TMEM273: variants seen among roughly 807,000 people sequenced by gnomAD.
TMEM273 encodes the protein transmembrane protein 273, also known as chromosome 10 open reading frame 128.
TMEM273 carries 19 observed loss-of-function variants against 17.9 expected under a neutral mutation model. That is an observed-to-expected ratio of 1.06 (90% confidence interval 0.74 to 1.55). The LOEUF (loss-of-function observed/expected upper bound fraction) is 1.55. Among genes scored for constraint, TMEM273 ranks in the 40% most tolerant of loss-of-function variants. The pLI, the probability that TMEM273 is intolerant of heterozygous loss-of-function variation, is 0.00. For missense variants in TMEM273, 194 were observed against 155.6 expected (o/e 1.25, Z -1.31); for synonymous variants, 66 against 62.0 (o/e 1.07, Z -0.31).
chr10:49,161,718 A>T (rs915648403), intron 5 of TMEM273, 96 bp from the exon 6 acceptor site: 1 of 1,518,036 alleles, frequency 6.6e-7, no homozygotes, highest in African/African-American at 1.4e-5. Flanking sequence ...GCTTGTCATT[A>T]GCTTGCTCTT....
At chr10:49,182,515 T>C (rs962611107) in intron 1 of TMEM273, among the ~76,000 whole-genome samples, 2 of 152,232 alleles carry the variant, frequency 1.3e-5, no homozygotes, top group Non-Finnish European at 2.9e-5. Flanking sequence ...CTTATTATCA[T>C]GATTATAATA....
At chr10:49,187,034 T>C (rs1847767977) in intron 1 of TMEM273, among the ~76,000 whole-genome samples, 1 of 152,246 alleles carries the variant, frequency 6.6e-6, no homozygotes, top group South Asian at 2.1e-4. Flanking sequence ...AATTTGCACA[T>C]TTTTCATTGG....
At chr10:49,178,156 T>A in intron 1 of TMEM273, 1 of 457,304 alleles carries the variant, frequency 2.2e-6, no homozygotes, top group South Asian at 1.5e-5. Context: ...CCAGGGCTCA[T>A]CAAGCCCTCC....
chr10:49,165,631 C>G (rs1846128213), intron 4 of TMEM273, 135 bp downstream of exon 4: 3 of 1,343,166 alleles, frequency 2.2e-6, no homozygotes, highest in Non-Finnish European at 1.0e-6. Context: ...AGGAGGGGAC[C>G]ACGAGGTGCA....
At chr10:49,164,385 G>A (rs1392580546) in intron 5 of TMEM273, among the ~76,000 whole-genome samples, 1 of 152,070 alleles carries the variant, frequency 6.6e-6, no homozygotes, top group Admixed American at 6.5e-5. Context: ...CTCCAGCAGG[G>A]CTTTGCACCA....
intron 5 of TMEM273, among the ~76,000 whole-genome samples, chr10:49,162,142 C>T (rs1031975990): frequency 2.6e-5 from 4 of 152,186 alleles, no homozygotes; most frequent in Non-Finnish European, 4.4e-5. Context: ...AACAGAGACG[C>T]TCCTCTTAGA....
At chr10:49,181,161 A>T (rs1210598243) in intron 1 of TMEM273, among the ~76,000 whole-genome samples, 1 of 152,254 alleles carries the variant, frequency 6.6e-6, no homozygotes, top group African/African-American at 2.4e-5. Context: ...ACGATCACTC[A>T]TAAATTATGC....
chr10:49,161,320 GA>G (rs1283664467), intron 6 of TMEM273: 7 of 533,104 alleles, frequency 1.3e-5, no homozygotes, highest in African/African-American at 5.7e-5. Flanking sequence ...CTTGGAGAAT[GA>G]AAAAAAGTTT....
Position 49,161,517 on chromosome 10 carries a change from T to C in TMEM273, c.372+82A>G, listed in dbSNP as rs1845839109. 3.8e-6 allele frequency: 6 copies of C among 1,585,316 alleles called. No homozygotes were observed. In the African/African-American group the frequency reaches 4.0e-5, roughly 11 times the overall value. On this transcript the variant is annotated intron_variant, in intron 6 of 6. Transcript: ENST00000374153. Reference sequence around the variant, plus strand: ...CCCACGTGGCCAGGGGAGGGAGAGGTCATGCCGAAAACCCATGCAGCCCCA... The same window carrying C: ...CCCACGTGGCCAGGGGAGGGAGAGGCCATGCCGAAAACCCATGCAGCCCCA...
At chr10:49,156,109 G>T in intron 6 of TMEM273, 200 bp from the exon 7 acceptor site, 1 of 1,541,190 alleles carries the variant, frequency 6.5e-7, no homozygotes, top group South Asian at 1.2e-5. Flanking sequence ...GCTCAACCTG[G>T]AAGTTGTTTT....
chr10:49,175,792 G>A (rs888890637), intron 1 of TMEM273, among the ~76,000 whole-genome samples: 1 of 152,236 alleles, frequency 6.6e-6, no homozygotes, highest in Admixed American at 6.5e-5. Context: ...CTGGGAAGGG[G>A]CTGCTGAAGC....
chr10:49,157,199 A>C (rs1845564369), intron 6 of TMEM273, among the ~76,000 whole-genome samples: 1 of 152,234 alleles, frequency 6.6e-6, no homozygotes. Context: ...CCCTGAGCAG[A>C]AGAAGGGGCA....
At position 49,165,889 on chromosome 10, in the gene TMEM273, C is replaced by G. The variant is rs1442118427; in HGVS notation, c.239-93G>C. 3 of 1,546,724 alleles carry G rather than the reference C, an allele frequency of 1.9e-6. No homozygotes were observed. In the African/African-American group the frequency reaches 4.1e-5, roughly 21 times the overall value. On this transcript the variant is annotated intron_variant, in intron 3 of 6. Transcript: ENST00000374153. Reference sequence around the variant, plus strand: ...CTTTCACCTCCCTCTCCTTGGTCCTCTCACTCACGGTTGCCCTCGAGAGAC... The same window carrying G: ...CTTTCACCTCCCTCTCCTTGGTCCTGTCACTCACGGTTGCCCTCGAGAGAC...
chr10:49,160,398 C>A (rs1845769094), intron 6 of TMEM273: 1 of 152,036 alleles, frequency 6.6e-6, no homozygotes, highest in African/African-American at 2.4e-5. Context: ...AACGATCAGA[C>A]AAATCCAGAA....
intron 5 of TMEM273, among the ~76,000 whole-genome samples, chr10:49,163,383 A>C (rs1252615459): frequency 6.6e-6 from 1 of 152,056 alleles, no homozygotes; most frequent in Non-Finnish European, 1.5e-5. Flanking sequence ...CAATTCGACC[A>C]CACATTTCCA....
chr10:49,186,565 A>G (rs984529013), intron 1 of TMEM273, among the ~76,000 whole-genome samples: 5 of 152,200 alleles, frequency 3.3e-5, no homozygotes, highest in Non-Finnish European at 5.9e-5. Context: ...ATCCCATGCT[A>G]AGTGCTTTAA....
At chr10:49,183,223 C>G (rs1440512993) in intron 1 of TMEM273, among the ~76,000 whole-genome samples, 2 of 152,146 alleles carry the variant, frequency 1.3e-5, no homozygotes, top group East Asian at 3.9e-4. Context: ...ATTTTGTCAA[C>G]ATTAAATTTC....
chr10:49,165,382 C>A (rs557464574), intron 4 of TMEM273, 99 bp from the exon 5 acceptor site: 90 of 1,535,938 alleles, frequency 5.9e-5, no homozygotes, highest in Middle Eastern at 2.0e-4. Flanking sequence ...GAGCAGGGTA[C>A]CTTGATGCCA....
intron 1 of TMEM273, among the ~76,000 whole-genome samples, chr10:49,181,539 C>A (rs1847341396): frequency 6.6e-6 from 1 of 152,044 alleles, no homozygotes; most frequent in African/African-American, 2.4e-5. Flanking sequence ...AAAAGAGAAC[C>A]CCAAATTAGC....
Sources: gnomAD v4.1 joint callset for allele counts (sites outside exome capture counted in the v4.1 genomes callset) on GRCh38, gnomAD v4.1.1 for gene constraint, MANE v1.5 for transcripts, NCBI Gene and HGNC (gene_info 2026-07-23, HGNC 2026-07-21) for gene names.